Variants in CSNK1A1 observed in about 807,000 individuals in gnomAD.
CSNK1A1 encodes casein kinase I isoform alpha.
A neutral mutation model predicts 46.1 loss-of-function variants in CSNK1A1; 7 were observed. The observed-to-expected ratio is 0.15, with a 90% CI of 0.09 to 0.29. The LOEUF (loss-of-function observed/expected upper bound fraction) is 0.29. CSNK1A1 is among the 10% of genes least tolerant of loss of function. CSNK1A1 has a pLI of 1.00. For synonymous variants in CSNK1A1, 137 were observed against 141.5 expected, an observed-to-expected ratio of 0.97 and a Z score of 0.23; for missense variants, 96 against 417.1, an observed-to-expected ratio of 0.23 and a Z score of 6.71.
chr5:149,504,013 G>A, intron 9 of CSNK1A1: 1 of 985,398 alleles, frequency 1.0e-6, no homozygotes, highest in Non-Finnish European at 1.2e-6. Context: ...ACCTAAAATG[G>A]TAGGACTGTT....
chr5:149,521,239 C>T (rs549424890), intron 3 of CSNK1A1, among the ~76,000 whole-genome samples: 6 of 149,462 alleles, frequency 4.0e-5, no homozygotes, highest in African/African-American at 2.5e-5. Flanking sequence ...CTGCCTTCCA[C>T]AATAGGCTGT....
chr5:149,551,182 G>C lies in CSNK1A1; in HGVS notation c.-218C>G, dbSNP rs896457436. On this transcript the variant is annotated 5_prime_UTR_variant, in exon 1 of 10. Transcript: ENST00000377843. ...TTTTGCCAGGCCGCAGTTTGTGAAGGGCTTCTCGGCGGTTACCAGGCTGGG... is the reference window on the plus strand; with the variant it reads ...TTTTGCCAGGCCGCAGTTTGTGAAGCGCTTCTCGGCGGTTACCAGGCTGGG... 2.3e-5 allele frequency: 10 copies of C among 429,074 alleles called. No individual in the cohort carries two copies. Among genetic ancestry groups the C allele is most frequent in the African/African-American group, 2.1e-4 (10 of 48,688 alleles). The allele number at this position is 429,074 out of a possible 1,614,324, so 26.6% of individuals were successfully genotyped here.
rs115857321 is a variant in CSNK1A1, at chr5:149,512,576, C to G, written c.596+494G>C. Among the ~76,000 whole-genome samples, 966 of 152,228 alleles carry G rather than the reference C, an allele frequency of 6.3e-3. 4 individuals are homozygous for G. The highest frequency in any genetic ancestry group is 9.8e-3 in the Non-Finnish European group (668 of 68,010). ...TGAAGAAATAGGAAGAGAGCAGAGA[C>G]TGTTACTTTTTTTACTTTAAACTAG... On this transcript the variant is annotated intron_variant, in intron 5 of 9. Transcript: ENST00000377843.
chr5:149,533,747 G>A (rs1761966595), intron 2 of CSNK1A1, among the ~76,000 whole-genome samples: 1 of 152,054 alleles, frequency 6.6e-6, no homozygotes, highest in South Asian at 2.1e-4. Flanking sequence ...ATTGATAGTG[G>A]TGGTATTGAG....
Position 149,496,420 on chromosome 5 carries a change from A to G in CSNK1A1, c.*433T>C, listed in dbSNP as rs1277428739. ...GATGGAAAAACCCTAAGAATGCACA[A>G]TTGTGAGCATTTAACAACCATCACA... On this transcript the variant is annotated 3_prime_UTR_variant, in exon 10 of 10. Transcript: ENST00000377843. 1 of 161,704 alleles carries G rather than the reference A, an allele frequency of 6.2e-6. No homozygotes were observed. Among genetic ancestry groups the G allele is most frequent in the Non-Finnish European group, 1.3e-5 (1 of 74,192 alleles). 10.0% of individuals were successfully genotyped at this position (161,704 alleles called of 1,614,324 possible). A position where few individuals can be genotyped will look rare whatever the true frequency, so the allele number is the denominator to read the frequency against.
In CSNK1A1 at chr5:149,495,221, AG is replaced by A. The variant is rs1269332630; in HGVS notation, c.*1631del. 1 of 152,218 alleles carries A rather than the reference AG, an allele frequency of 6.6e-6. No homozygotes were observed. Among genetic ancestry groups the A allele is most frequent in the Non-Finnish European group, 1.5e-5 (1 of 68,036 alleles). 9.4% of individuals were successfully genotyped at this position (152,218 alleles called of 1,614,324 possible). Reference sequence around the variant, plus strand: ...CTAAAGTAGTTTTCAAATAAAAAAAAGAAAAAAGAAAACAAAACAAATTAAA... The same window carrying A: ...CTAAAGTAGTTTTCAAATAAAAAAAAAAAAAAGAAAACAAAACAAATTAAA... On this transcript the variant is annotated 3_prime_UTR_variant, in exon 10 of 10. Transcript: ENST00000377843.
chr5:149,524,281 A>G (rs1761665677), intron 3 of CSNK1A1, among the ~76,000 whole-genome samples: 1 of 152,148 alleles, frequency 6.6e-6, no homozygotes, highest in Non-Finnish European at 1.5e-5. Flanking sequence ...TATTTTTATA[A>G]GCACACTGAG....
At chr5:149,521,927 T>C (rs1394697319) in intron 3 of CSNK1A1, among the ~76,000 whole-genome samples, 1 of 152,120 alleles carries the variant, frequency 6.6e-6, no homozygotes, top group Non-Finnish European at 1.5e-5. Context: ...GGATTTACTC[T>C]TCTATGTACT....
In CSNK1A1 at chr5:149,505,456, T is replaced by TA; in HGVS notation, c.996dup (p.Asn333Ter). 1 of 1,613,992 alleles carries TA rather than the reference T, an allele frequency of 6.2e-7. No homozygotes were observed. Among genetic ancestry groups the TA allele is most frequent in the Non-Finnish European group, 8.5e-7 (1 of 1,179,956 alleles). Reference sequence around the variant, plus strand: ...GTTCTTGGCTACTAACCTTTCATGTTACTCTTGGTTTTGTCAGTTTGCTTG... The same window carrying TA: ...GTTCTTGGCTACTAACCTTTCATGTTAACTCTTGGTTTTGTCAGTTTGCTTG... On this transcript the variant is annotated frameshift_variant, in exon 9 of 10. Coordinates refer to ENST00000377843, the MANE Select transcript of CSNK1A1 (RefSeq NM_001892.6). LOFTEE classifies it high-confidence loss of function.
rs1761690885 is a variant in CSNK1A1 at position 149,525,259 on chromosome 5, T to C, written c.231-88A>G. The C allele has an allele frequency of 7.8e-7, 1 of 1,287,566 alleles. No homozygotes were observed. Among genetic ancestry groups the C allele is most frequent in the East Asian group, 2.6e-5 (1 of 38,242 alleles). 79.8% of individuals were successfully genotyped at this position (1,287,566 alleles called of 1,614,324 possible). ...TAAGAATAATATAGTTTTCTTTCAC[T>C]GACTAGGTATTATATAAGGCGAATG... On this transcript the variant is annotated intron_variant, in intron 2 of 9. Transcript: ENST00000377843. This position sits in a 1 kb window ranked among gnomAD's most constrained non-coding sequence, Gnocchi z 4.2.
intron 4 of CSNK1A1, 35 bp downstream of exon 4, chr5:149,520,253 ACT>A: frequency 7.7e-7 from 1 of 1,292,302 alleles, no homozygotes; most frequent in Non-Finnish European, 1.1e-6. Flanking sequence ...TCGAAACTTT[ACT>A]CTTTGTTCTT....
At position 149,495,876 on chromosome 5, in the gene CSNK1A1, T is replaced by C. The variant is rs1760640788; in HGVS notation, c.*977A>G. On this transcript the variant is annotated 3_prime_UTR_variant, in exon 10 of 10. Transcript: ENST00000377843. ...AAACCTAAATTGACTTGCAAAGGAA[T>C]ACCATGTAACAAATGGCTTGAAGTA... is the stretch of plus-strand genomic sequence containing the variant. 6.6e-6 allele frequency: 1 copy of C among 152,348 alleles called. No individual in the cohort carries two copies. The highest frequency in any genetic ancestry group is 1.5e-5 in the Non-Finnish European group (1 of 67,998). 9.4% of individuals were successfully genotyped at this position (152,348 alleles called of 1,614,324 possible). A position where few individuals can be genotyped will look rare whatever the true frequency, so the allele number is the denominator to read the frequency against.
Position 149,509,870 on chromosome 5 carries a change from C to A in CSNK1A1, c.750+9G>T. 6.3e-7 allele frequency: 1 copy of A among 1,591,970 alleles called. No individual in the cohort carries two copies. The highest frequency in any genetic ancestry group is 8.6e-7 in the Non-Finnish European group (1 of 1,163,628). On this transcript the variant is annotated intron_variant, in intron 7 of 9. Transcript: ENST00000377843. ...TTATATTTTTTTAATATTCATCATG[C>A]ATACTTACCTTACATAAAACTTCAA...
At chr5:149,539,121 C>A (rs890386451) in intron 2 of CSNK1A1, among the ~76,000 whole-genome samples, 1 of 151,948 alleles carries the variant, frequency 6.6e-6, no homozygotes, top group Non-Finnish European at 1.5e-5. Context: ...TTTCATACAT[C>A]GATTTTAGAC....
intron 4 of CSNK1A1, among the ~76,000 whole-genome samples, chr5:149,516,896 T>C (rs1383766934): frequency 2.0e-5 from 3 of 152,172 alleles, no homozygotes; most frequent in Non-Finnish European, 2.9e-5. Context: ...TAATTTAAGG[T>C]ATTACAAAGC....
intron 9 of CSNK1A1, chr5:149,500,928 A>G (rs1052312892): frequency 4.0e-5 from 39 of 973,810 alleles, no homozygotes; most frequent in Non-Finnish European, 4.5e-5. Context: ...CCTAAACTGC[A>G]TTAAAAAACA....
intron 2 of CSNK1A1, among the ~76,000 whole-genome samples, chr5:149,529,185 C>T (rs889440543): frequency 3.3e-5 from 5 of 152,070 alleles, no homozygotes; most frequent in Admixed American, 6.6e-5. Context: ...GTTCGGGGAT[C>T]TCATTTTCCA....
At chr5:149,516,138 G>C (rs1761392762) in intron 4 of CSNK1A1, among the ~76,000 whole-genome samples, 1 of 152,074 alleles carries the variant, frequency 6.6e-6, no homozygotes, top group African/African-American at 2.4e-5. Context: ...TGGCCAACAT[G>C]GTAAAACCCC....
At chr5:149,540,554 CTATT>C (rs1196710738) in intron 2 of CSNK1A1, among the ~76,000 whole-genome samples, 3 of 152,110 alleles carry the variant, frequency 2.0e-5, no homozygotes, top group Non-Finnish European at 4.4e-5. Flanking sequence ...GATAAACAGA[CTATT>C]AATCTATAGT....
Sources: allele counts gnomAD v4.1 joint callset (sites outside exome capture counted in the v4.1 genomes callset), GRCh38; gene constraint gnomAD v4.1.1; non-coding constraint Gnocchi (gnomAD v3.1); transcripts MANE v1.5; gene names NCBI Gene and HGNC (gene_info 2026-07-23, HGNC 2026-07-21).